The following RUNX1T1 variants were observed in gnomAD, a reference collection of about 807,000 sequenced individuals.
RUNX1T1 encodes RUNX1 partner transcriptional co-repressor 1, also known as protein CBFA2T1.
Under a neutral mutation model 62.8 loss-of-function variants are expected in RUNX1T1, and 4 were observed. The ratio of observed to expected loss-of-function variants is 0.06; its 90% CI spans 0.03 to 0.15. RUNX1T1 has a LOEUF of 0.15. Ranked by LOEUF, RUNX1T1 falls within the 10% of genes least tolerant of loss-of-function variation. RUNX1T1 has a pLI of 1.00. For missense variants in RUNX1T1, 508 were observed against 754.3 expected, an observed-to-expected ratio of 0.67 and a Z score of 3.82; for synonymous variants, 291 against 286.0, an observed-to-expected ratio of 1.02 and a Z score of -0.18.
intron 5 of RUNX1T1, among the ~76,000 whole-genome samples, chr8:91,995,318 A>AT (rs1051987534): frequency 2.0e-4 from 31 of 152,114 alleles, no homozygotes; most frequent in African/African-American, 7.0e-4. Flanking sequence ...GGTAAAAAGC[A>AT]TTTTTTTTCT....
intron 1 of RUNX1T1, among the ~76,000 whole-genome samples, chr8:92,034,319 A>G (rs982996492): frequency 5.3e-5 from 8 of 152,312 alleles, no homozygotes; most frequent in Admixed American, 3.3e-4. Flanking sequence ...CTAGAGCACC[A>G]TAAGAATACA....
chr8:92,051,152 T>C (rs1192140210), intron 1 of RUNX1T1, among the ~76,000 whole-genome samples: 2 of 152,172 alleles, frequency 1.3e-5, no homozygotes, highest in Non-Finnish European at 2.9e-5. Flanking sequence ...CCAGTTCCAA[T>C]ACAAATGCCT....
chr8:91,960,724 C>T (rs79820202), intron 10 of RUNX1T1, among the ~76,000 whole-genome samples: 1,704 of 152,332 alleles, frequency 0.011, 35 homozygotes, highest in African/African-American at 0.038. Context: ...GCTCTGCCAA[C>T]AACTACTATG....
rs190746045 is a variant in RUNX1T1, at chr8:91,968,271, C to A, written c.1458+2387G>T. On this transcript the variant is annotated intron_variant, in intron 10 of 10. Transcript: ENST00000396218. ...CAACTTATCAATGAAGACAGGACAC[C>A]TGACAGTGGAAGGGGGCGCTCGTAA... 4.6e-5 allele frequency among the ~76,000 whole-genome samples: 7 copies of A among 152,202 alleles called. No individual in the cohort carries two copies. The East Asian group carries it at 1.4e-3, about 29-fold the overall frequency.
At position 91,984,361 on chromosome 8, in the gene RUNX1T1, C is replaced by T. The variant is rs751529010; in HGVS notation, c.1198+1763G>A. On this transcript the variant is annotated intron_variant, in intron 8 of 10. Transcript: ENST00000396218. Reference sequence around the variant, plus strand: ...CTTAGGTATGAAGTCTGATCAATTTCGGAGATGTTTCTTTTATAGTGGATG... The same window carrying T: ...CTTAGGTATGAAGTCTGATCAATTTTGGAGATGTTTCTTTTATAGTGGATG... 2.6e-4 allele frequency among the ~76,000 whole-genome samples: 39 copies of T among 152,040 alleles called. 1 individual carries two copies. Among genetic ancestry groups the T allele is most frequent in the Admixed American group, 5.2e-4 (8 of 15,264 alleles).
chr8:92,008,979 T>G (rs1821409903), intron 4 of RUNX1T1, among the ~76,000 whole-genome samples: 1 of 152,216 alleles, frequency 6.6e-6, no homozygotes, highest in Non-Finnish European at 1.5e-5. Context: ...TCATCTTATC[T>G]GTGTTTTGGT....
chr8:92,074,850 G>A (rs553054123), intron 2 of RUNX1T1, among the ~76,000 whole-genome samples: 2 of 152,228 alleles, frequency 1.3e-5, no homozygotes, highest in South Asian at 4.2e-4. Context: ...GTATGAAGAA[G>A]GAGGAATGAA....
chr8:91,981,666 C>T (rs568922195), intron 8 of RUNX1T1, among the ~76,000 whole-genome samples: 9 of 152,010 alleles, frequency 5.9e-5, no homozygotes, highest in African/African-American at 1.7e-4. Context: ...CTGCCCGCCT[C>T]GGCCTCCCCA....
At chr8:91,994,486 C>T (rs1743233737) in intron 5 of RUNX1T1, 1 of 394,622 alleles carries the variant, frequency 2.5e-6, no homozygotes, top group East Asian at 5.3e-5. Flanking sequence ...ACAGCACCTA[C>T]CTTACTGGCA....
chr8:91,972,885 A>C (rs1813142412), intron 9 of RUNX1T1, among the ~76,000 whole-genome samples: 1 of 152,082 alleles, frequency 6.6e-6, no homozygotes, highest in Admixed American at 6.5e-5. Context: ...CAATTTTAAA[A>C]CCATCTTTAT....
At chr8:91,961,849 C>G (rs1340310637) in intron 10 of RUNX1T1, among the ~76,000 whole-genome samples, 1 of 152,200 alleles carries the variant, frequency 6.6e-6, no homozygotes, top group Non-Finnish European at 1.5e-5. Context: ...CTTCTGACTA[C>G]AATCTGGTAA....
At chr8:92,044,799 T>C (rs1332606846) in intron 1 of RUNX1T1, among the ~76,000 whole-genome samples, 2 of 152,214 alleles carry the variant, frequency 1.3e-5, no homozygotes, top group African/African-American at 4.8e-5. Context: ...GAGAAAATCA[T>C]ACCTAGTTTT....
intron 9 of RUNX1T1, among the ~76,000 whole-genome samples, chr8:91,972,402 G>A (rs1180780488): frequency 1.3e-5 from 2 of 152,040 alleles, no homozygotes; most frequent in African/African-American, 4.8e-5. Context: ...GATCCATAGT[G>A]GAAATATTAA....
chr8:92,036,918 T>C (rs1827524831), intron 1 of RUNX1T1, among the ~76,000 whole-genome samples: 1 of 152,216 alleles, frequency 6.6e-6, no homozygotes, highest in African/African-American at 2.4e-5. Flanking sequence ...TAGCTAAAGA[T>C]ACTAAATAGT....
intron 5 of RUNX1T1, 54 bp downstream of exon 6, chr8:92,005,062 G>C (rs1367437303): frequency 1.4e-6 from 2 of 1,447,740 alleles, no homozygotes; most frequent in African/African-American, 1.4e-5. Flanking sequence ...GTTTCCTCAT[G>C]CCACAGGTAT....
chr8:92,005,040 G>A (rs947443697), intron 5 of RUNX1T1, 76 bp downstream of exon 6: 4 of 1,293,952 alleles, frequency 3.1e-6, no homozygotes, highest in Non-Finnish European at 1.1e-6. Flanking sequence ...CGGTTTAATT[G>A]TGACATGAAA....
chr8:92,062,233 T>A lies in RUNX1T1; in HGVS notation c.7+313A>T, dbSNP rs567767648. ...GTCACAAAATTCTGAACAGAAACAA[T>A]ACTTCTTACTTGAGCTAAAACCCTC... On this transcript the variant is annotated intron_variant, in intron 1 of 10. Transcript: ENST00000396218. Among the ~76,000 whole-genome samples, 3 of 152,152 alleles carry A rather than the reference T, an allele frequency of 2.0e-5. No individual in the cohort carries two copies. In the East Asian group the frequency reaches 5.8e-4, roughly 29 times the overall value.
chr8:91,995,881 T>C (rs1336809070), intron 5 of RUNX1T1, among the ~76,000 whole-genome samples: 2 of 152,216 alleles, frequency 1.3e-5, no homozygotes, highest in East Asian at 1.9e-4. Flanking sequence ...AAATTACTAA[T>C]GTCTACTTAC....
At chr8:92,070,773 A>C (rs1833552736) in intron 2 of RUNX1T1, among the ~76,000 whole-genome samples, 1 of 152,354 alleles carries the variant, frequency 6.6e-6, no homozygotes, top group South Asian at 2.1e-4. Context: ...CATAACTCCT[A>C]TTAACATTAA....
Sources: gnomAD v4.1 joint callset for allele counts (sites outside exome capture counted in the v4.1 genomes callset) on GRCh38, gnomAD v4.1.1 for gene constraint, MANE v1.5 for transcripts, NCBI Gene and HGNC (gene_info 2026-07-23, HGNC 2026-07-21) for gene names.